Variants in RPL3 observed in about 807,000 individuals in gnomAD.
RPL3 encodes large ribosomal subunit protein uL3.
Under a neutral mutation model 46.0 loss-of-function variants are expected in RPL3, and 3 were observed. The ratio of observed to expected loss-of-function variants is 0.07; its 90% CI spans 0.03 to 0.17. The LOEUF (loss-of-function observed/expected upper bound fraction) is 0.17, where lower values mean the gene tolerates loss of function less well. Ranked by LOEUF, RPL3 falls within the 10% of genes least tolerant of loss-of-function variation. The probability of loss-of-function intolerance (pLI) is 1.00; values close to 1 mark genes in which losing one functional copy is unlikely to be tolerated. For synonymous variants in RPL3, 224 were observed against 190.8 expected (o/e 1.17, Z -1.43); for missense variants, 387 against 532.7 (o/e 0.73, Z 2.69).
At position 39,314,177 on chromosome 22, in the gene RPL3, T is replaced by C. The variant is rs752844997; in HGVS notation, c.881A>G (p.Lys294Arg). Residue 294 changes from lysine (K) to arginine (R), a missense_variant, in exon 7 of 10, where the codon AAG becomes AGG. This residue lies in a region of RPL3 where 131 missense variants were observed against 185.1 expected (regional missense o/e 0.71). Coordinates refer to ENST00000216146, the MANE Select transcript of RPL3 (RefSeq NM_000967.4). ...ATTGTTCTTGATCAGCTTGCCGTCC[T>C]TGATAAGGTAGCCCTGGCCAATCTT... ...IYKIGQGYLI[K>R]DGKLIKNNAS... 4 of 1,613,894 alleles carry C rather than the reference T, an allele frequency of 2.5e-6. No homozygotes were observed. The highest frequency in any genetic ancestry group is 3.4e-6 in the Non-Finnish European group (4 of 1,180,010).
intron 1 of RPL3, chr22:39,318,971 CA>C: frequency 7.5e-6 from 4 of 534,504 alleles, no homozygotes; most frequent in East Asian, 5.4e-5. Context: ...TAGCAGCTAG[CA>C]ATGTTAAGCT....
chr22:39,313,766 G>T, intron 7 of RPL3, 37 bp from the exon 8 acceptor site: 1 of 1,592,396 alleles, frequency 6.3e-7, no homozygotes, highest in African/African-American at 1.4e-5. Flanking sequence ...AGGCCCAGGA[G>T]GGGATTGTCG....
intron 5 of RPL3, 33 bp from the exon 6 acceptor site, chr22:39,314,879 C>A (rs1922581015): frequency 6.3e-7 from 1 of 1,598,562 alleles, no homozygotes; most frequent in Non-Finnish European, 8.6e-7. Context: ...CACCTCAGCG[C>A]CCAGCACCTC....
chr22:39,316,195 G>A (rs1031672066), intron 4 of RPL3, among the ~76,000 whole-genome samples: 2 of 151,476 alleles, frequency 1.3e-5, no homozygotes, highest in South Asian at 2.1e-4. Flanking sequence ...GCTGAGATAG[G>A]GCTATTGCAC....
chr22:39,315,622 C>G, intron 4 of RPL3, 67 bp from the exon 5 acceptor site: 8 of 1,575,084 alleles, frequency 5.1e-6, no homozygotes, highest in Non-Finnish European at 7.0e-6. Context: ...GGAACTGCAG[C>G]TCCATGCGGC....
Position 39,318,350 on chromosome 22 carries a change from C to T in RPL3, c.196+50G>A, listed in dbSNP as rs5995709. On this transcript the variant is annotated intron_variant, in intron 2 of 9. Transcript: ENST00000216146. ...CAGCTTGACTCCATCTCTACAATTT[C>T]CCTCCCCCTCCACTCCTATTCCCCC... 3.4e-4 allele frequency: 534 copies of T among 1,582,248 alleles called. 2 individuals are homozygous for T. In the African/African-American group the frequency reaches 6.3e-3, roughly 19 times the overall value.
Position 39,315,405 on chromosome 22 carries a change from C to T in RPL3, c.652G>A (p.Asp218Asn), listed in dbSNP as rs1404474101. ...TTGCCCTTGGTCACCCCGATGACGT[C>T]GATCATCTCATCCTGCCCAAACACT... is the stretch of plus-strand genomic sequence containing the variant. ...NQVFGQDEMI[D>N]VIGVTKGKGY... The change falls in exon 5 of 10, where the codon GAC (aspartate) becomes AAC (asparagine). Residue 218 changes from aspartate to asparagine, a missense_variant. This residue lies in a region of RPL3 where 48 missense variants were observed against 80.7 expected (regional missense o/e 0.60). Coordinates refer to ENST00000216146, the MANE Select transcript of RPL3 (RefSeq NM_000967.4). 1 of 1,613,862 alleles carries T rather than the reference C, an allele frequency of 6.2e-7. No individual in the cohort carries two copies. The highest frequency in any genetic ancestry group is 8.5e-7 in the Non-Finnish European group (1 of 1,180,054).
At chr22:39,314,238 G>A (rs772852118) in intron 6 of RPL3, 30 bp from the exon 7 acceptor site, 17 of 1,591,482 alleles carry the variant, frequency 1.1e-5, no homozygotes, top group Admixed American at 1.7e-5. Context: ...GTAAGGCTGG[G>A]GCATTAGGGA....
rs374869361 is a variant in RPL3, at chr22:39,317,569, A to G, written c.257T>C (p.Val86Ala). The G allele has an allele frequency of 3.8e-5, 61 of 1,613,700 alleles. No homozygotes were observed. Among genetic ancestry groups the G allele is most frequent in the Non-Finnish European group, 5.1e-5 (60 of 1,179,844 alleles). The part of the protein sequence containing the change: ...VTIVETPPMV[V>A]VGIVGYVETP... ...TTCCACGTAGCCCACAATGCCCACA[A>G]CCACCATGGGTGGTGTCTCTACAAT... The change falls in exon 3 of 10, where the codon GTT (valine) becomes GCT (alanine). Residue 86 changes from valine (V) to alanine (A), a missense_variant. Transcript: ENST00000216146.
chr22:39,319,133 G>A (rs369036026), intron 1 of RPL3: 32 of 541,804 alleles, frequency 5.9e-5, no homozygotes, highest in South Asian at 1.5e-4. Flanking sequence ...AGCTCCAGAG[G>A]CCTTCGGAGT....
chr22:39,316,183 G>A (rs1025328694), intron 4 of RPL3, among the ~76,000 whole-genome samples: 2 of 151,876 alleles, frequency 1.3e-5, no homozygotes, highest in Non-Finnish European at 2.9e-5. Context: ...AGGTTGCAGT[G>A]AGCTGAGATA....
chr22:39,313,591 C>A, intron 8 of RPL3, 43 bp downstream of exon 8: 1 of 1,581,388 alleles, frequency 6.3e-7, no homozygotes, highest in Admixed American at 1.7e-5. Flanking sequence ...TTGGATCCTC[C>A]CTCTACAAGA....
intron 1 of RPL3, 71 bp from the exon 2 acceptor site, chr22:39,318,663 T>TA (rs1484054236): frequency 7.5e-7 from 1 of 1,326,968 alleles, no homozygotes; most frequent in African/African-American, 1.5e-5. Context: ...CCCAGCTGCT[T>TA]AAGTTCCAAA....
intron 4 of RPL3, 30 bp downstream of exon 4, chr22:39,316,676 G>A (rs749856063): frequency 4.3e-6 from 7 of 1,611,860 alleles, no homozygotes; most frequent in Admixed American, 1.7e-5. Flanking sequence ...CTAAGTGGCA[G>A]GCCAAGCCAC....
chr22:39,319,521 A>T, intron 1 of RPL3, 74 bp downstream of exon 1: 1 of 1,548,102 alleles, frequency 6.5e-7, no homozygotes, highest in Non-Finnish European at 8.7e-7. Flanking sequence ...CCAAGACGGG[A>T]TGGCGGCGAT....
intron 5 of RPL3, 121 bp from the exon 6 acceptor site, chr22:39,314,967 T>C (rs1922586569): frequency 7.2e-7 from 1 of 1,380,212 alleles, no homozygotes; most frequent in Non-Finnish European, 9.9e-7. Flanking sequence ...TTATTTCATG[T>C]GCATTACCCA....
chr22:39,314,233 G>A (rs374530214), intron 6 of RPL3, 25 bp from the exon 7 acceptor site: 18 of 1,600,144 alleles, frequency 1.1e-5, no homozygotes, highest in Non-Finnish European at 1.5e-5. Flanking sequence ...AGGGTGTAAG[G>A]CTGGGGCATT....
rs1384280244 is a variant in RPL3 at position 39,315,492 on chromosome 22, T to G, written c.565A>C (p.Thr189Pro). The G allele has an allele frequency of 6.2e-7, 1 of 1,614,116 alleles. No individual in the cohort carries two copies. The highest frequency in any genetic ancestry group is 1.7e-5 in the Admixed American group (1 of 60,022). Residue 189 changes from threonine (T) to proline (P), a missense_variant, in exon 5 of 10, where the codon ACT becomes CCT. This residue lies in a region of RPL3 where 48 missense variants were observed against 80.7 expected (regional missense o/e 0.60). Transcript: ENST00000216146. ...HLMEIQVNGG[T>P]VAEKLDWARE... is the part of the protein sequence containing the mutation. Reference sequence around the variant, plus strand: ...GCCCAGTCCAGCTTCTCGGCCACAGTGCCTCCGTTCACCTGGATCTCCATC... The same window carrying G: ...GCCCAGTCCAGCTTCTCGGCCACAGGGCCTCCGTTCACCTGGATCTCCATC...
intron 5 of RPL3, 57 bp downstream of exon 5, chr22:39,315,312 C>T (rs1480956113): frequency 6.2e-7 from 1 of 1,608,930 alleles, no homozygotes; most frequent in African/African-American, 1.3e-5. Context: ...AACAGCTGGG[C>T]CTGAAACCAC....
Sources: gnomAD v4.1 joint callset for allele counts (sites outside exome capture counted in the v4.1 genomes callset) on GRCh38, gnomAD v4.1.1 for gene constraint, gnomAD v4.1.1 regional missense constraint, MANE v1.5 for transcripts, NCBI Gene and HGNC (gene_info 2026-07-23, HGNC 2026-07-21) for gene names.